The following POLE variants were observed in gnomAD, a reference collection of about 807,000 sequenced individuals.
POLE encodes the protein DNA polymerase epsilon, catalytic subunit, also known as DNA polymerase epsilon catalytic subunit A.
POLE carries 188 observed loss-of-function variants against 279.2 expected under a neutral mutation model. The ratio of observed to expected loss-of-function variants is 0.67; its 90% confidence interval spans 0.60 to 0.76. POLE has a LOEUF of 0.76. POLE is among the 30% of genes least tolerant of loss of function. POLE has a pLI of 0.00. For missense variants in POLE, 2,703 were observed against 3,016.7 expected (o/e 0.90, Z 2.44); for synonymous variants, 1,214 against 1,172.5 (o/e 1.04, Z -0.72).
Position 132,661,293 on chromosome 12 carries a change from G to T in POLE, c.2865-129C>A, listed in dbSNP as rs140280587. On this transcript the variant is annotated intron_variant, in intron 24 of 48. Coordinates refer to ENST00000320574, the MANE Select transcript of POLE (RefSeq NM_006231.4). The surrounding 1 kb of genome is among the most constrained non-coding windows in gnomAD (Gnocchi z 4.1). ...ACCTGTCATCCACGAGGCAGCAAAC[G>T]TCTCTCTCCCTTAGGCCACTGCTTC... is the stretch of plus-strand genomic sequence containing the variant. 3 of 1,003,790 alleles carry T rather than the reference G, an allele frequency of 3.0e-6. No individual in the cohort carries two copies. Among genetic ancestry groups the T allele is most frequent in the East Asian group, 2.4e-5 (1 of 41,748 alleles). 62.2% of individuals were successfully genotyped at this position (1,003,790 alleles called of 1,614,324 possible). A position where few individuals can be genotyped will look rare whatever the true frequency, so the allele number is the denominator to read the frequency against.
intron 16 of POLE, 139 bp downstream of exon 16, chr12:132,672,076 C>A (rs2042939719): frequency 4.6e-6 from 3 of 658,724 alleles, no homozygotes; most frequent in Admixed American, 4.4e-5. Flanking sequence ...CCATGACTGC[C>A]CTGTCCCACC....
Position 132,643,985 on chromosome 12 carries a change from G to T in POLE, c.4150-8C>A, listed in dbSNP as rs760355462. 15 of 1,610,906 alleles carry T rather than the reference G, an allele frequency of 9.3e-6. No individual in the cohort carries two copies. The East Asian group carries it at 3.3e-4, about 36-fold the overall frequency. On this transcript the variant is annotated splice_region_variant and splice_polypyrimidine_tract_variant and intron_variant, in intron 32 of 48. Transcript: ENST00000320574. Reference sequence around the variant, plus strand: ...AGGAAGGACCCGATTTACCTGGCGAGAATACGACGATGATCTCGTCACTGG... The same window carrying T: ...AGGAAGGACCCGATTTACCTGGCGATAATACGACGATGATCTCGTCACTGG...
rs1464188978 is a variant in POLE, at chr12:132,624,913, G to T, written c.6739C>A (p.His2247Asn). 6.2e-7 allele frequency: 1 copy of T among 1,613,664 alleles called. No homozygotes were observed. The highest frequency in any genetic ancestry group is 8.5e-7 in the Non-Finnish European group (1 of 1,179,670). ...SCAGDFALTI[H>N]TQVFMEQIGI... The stretch of plus-strand genomic sequence containing the variant: ...GATGAGGGAGAGCCCACCTGGGTGT[G>T]GATGGTGAGGGCGAAGTCTCCCGCG... The change falls in exon 48 of 49, where the codon CAC (histidine) becomes AAC (asparagine). Residue 2247 changes from histidine to asparagine, a missense_variant. Coordinates refer to ENST00000320574, the MANE Select transcript of POLE (RefSeq NM_006231.4).
chr12:132,635,752 C>T (rs2042018805), intron 42 of POLE, 140 bp downstream of exon 42: 4 of 795,246 alleles, frequency 5.0e-6, no homozygotes, highest in African/African-American at 1.7e-5. Context: ...GGTCCCTCCC[C>T]GTGTTCATGA....
rs1444734745 is a variant in POLE, at chr12:132,676,527, C to A, written c.909+19G>T. Reference sequence around the variant, plus strand: ...GGTCCCCATCCCAGGAGCTTACTTCCCAGAAGCCACCTGCTCACCTGGCCA... The same window carrying A: ...GGTCCCCATCCCAGGAGCTTACTTCACAGAAGCCACCTGCTCACCTGGCCA... On this transcript the variant is annotated intron_variant, in intron 9 of 48. Transcript: ENST00000320574. 1 of 1,550,342 alleles carries A rather than the reference C, an allele frequency of 6.5e-7. No homozygotes were observed. Among genetic ancestry groups the A allele is most frequent in the Non-Finnish European group, 8.9e-7 (1 of 1,121,886 alleles).
At chr12:132,677,551 G>A (rs768904642) in intron 7 of POLE, 27 bp downstream of exon 7, 1 of 1,613,740 alleles carries the variant, frequency 6.2e-7, no homozygotes, top group Non-Finnish European at 8.5e-7. Context: ...ATTCATGTGA[G>A]CAGCGACCCA....
chr12:132,678,081 G>A (rs1041122639), intron 6 of POLE, among the ~76,000 whole-genome samples: 10 of 152,180 alleles, frequency 6.6e-5, no homozygotes, highest in African/African-American at 2.4e-4. Flanking sequence ...GGGAGGCTGA[G>A]GCAGGAGAAT....
rs5745018 is a variant in POLE at position 132,633,074 on chromosome 12, G to A, written c.6005-279C>T. The A allele has an allele frequency of 0.63, 178,320 of 284,860 alleles. 57,783 individuals carry two copies. The highest frequency in any genetic ancestry group is 0.8 in the East Asian group (12,193 of 15,282). 17.6% of individuals were successfully genotyped at this position (284,860 alleles called of 1,614,324 possible). The stretch of plus-strand genomic sequence containing the variant: ...GCCTCTCACTGGGTAGCGCGTGAAA[G>A]ACAGCTCCCAACACAAGCAAAGGCA... On this transcript the variant is annotated intron_variant, in intron 43 of 48. Coordinates refer to ENST00000320574, the MANE Select transcript of POLE (RefSeq NM_006231.4).
intron 32 of POLE, among the ~76,000 whole-genome samples, chr12:132,645,926 G>C (rs975172316): frequency 6.6e-6 from 1 of 152,206 alleles, no homozygotes; most frequent in African/African-American, 2.4e-5. Flanking sequence ...AAGGAATCTA[G>C]ATGAAATGAT....
At chr12:132,680,280 G>C in intron 3 of POLE, 58 bp from the exon 4 acceptor site, 1 of 1,490,304 alleles carries the variant, frequency 6.7e-7, no homozygotes, top group Non-Finnish European at 9.4e-7. Flanking sequence ...CGAGAGAAAA[G>C]TGAAAACACA....
intron 45 of POLE, among the ~76,000 whole-genome samples, chr12:132,627,976 G>A (rs1180804732): frequency 6.6e-6 from 1 of 152,232 alleles, no homozygotes; most frequent in Non-Finnish European, 1.5e-5. Flanking sequence ...AAATTCTGCT[G>A]CTGCTTTGGC....
intron 47 of POLE, 24 bp from the exon 48 acceptor site, chr12:132,625,018 G>A: frequency 6.3e-7 from 1 of 1,593,616 alleles, no homozygotes; most frequent in Non-Finnish European, 8.6e-7. Context: ...GCCCCGATGG[G>A]CGCCAGCCCT....
chr12:132,631,748 C>T (rs2041937873), intron 45 of POLE, among the ~76,000 whole-genome samples: 1 of 152,216 alleles, frequency 6.6e-6, no homozygotes, highest in South Asian at 2.1e-4. Flanking sequence ...GCCTACTGGT[C>T]TCCGGTGACC....
At chr12:132,679,283 C>T (rs1427477595) in intron 6 of POLE, among the ~76,000 whole-genome samples, 1 of 152,130 alleles carries the variant, frequency 6.6e-6, no homozygotes, top group Non-Finnish European at 1.5e-5. Context: ...TAAACCCACC[C>T]CTCCATTGGA....
At chr12:132,630,290 C>A (rs75562118) in intron 45 of POLE, among the ~76,000 whole-genome samples, 4 of 152,132 alleles carry the variant, frequency 2.6e-5, no homozygotes, top group Non-Finnish European at 4.4e-5. Context: ...TACAGGTAAC[C>A]GCTTCGAAGC....
At chr12:132,632,287 C>T (rs757647582) in intron 45 of POLE, 28 bp downstream of exon 45, 1 of 1,581,176 alleles carries the variant, frequency 6.3e-7, no homozygotes, top group Non-Finnish European at 8.7e-7. Context: ...TTAGTGTCCT[C>T]TCCTCACACG....
intron 39 of POLE, 51 bp downstream of exon 39, chr12:132,641,596 A>C (rs1238425319): frequency 6.6e-7 from 1 of 1,507,994 alleles, no homozygotes; most frequent in African/African-American, 1.4e-5. Flanking sequence ...AATTAAGGGC[A>C]AAGGATAAGA....
In POLE at chr12:132,634,385, C is replaced by T. The variant is rs1391706234; in HGVS notation, c.5812-7G>A. 1.2e-6 allele frequency: 2 copies of T among 1,611,024 alleles called. No homozygotes were observed. Among genetic ancestry groups the T allele is most frequent in the East Asian group, 4.5e-5 (2 of 44,816 alleles). On this transcript the variant is annotated splice_polypyrimidine_tract_variant and splice_region_variant and intron_variant, in intron 42 of 48. Transcript: ENST00000320574. The surrounding 1 kb of genome is among the most constrained non-coding windows in gnomAD (Gnocchi z 4.0). Reference sequence around the variant, plus strand: ...CTGCTTTCTGGGAGTCTTGCTGTAACACATGAGACAACGCGGCTGTGTTTG... The same window carrying T: ...CTGCTTTCTGGGAGTCTTGCTGTAATACATGAGACAACGCGGCTGTGTTTG...
intron 2 of POLE, among the ~76,000 whole-genome samples, 166 bp from the exon 3 acceptor site, chr12:132,680,853 C>G (rs767414497): frequency 4.5e-4 from 69 of 152,336 alleles, no homozygotes; most frequent in Non-Finnish European, 8.5e-4. Flanking sequence ...AAGAACCACA[C>G]TGTAACGGCC....
Sources: allele counts gnomAD v4.1 joint callset (sites outside exome capture counted in the v4.1 genomes callset), GRCh38; gene constraint gnomAD v4.1.1; non-coding constraint Gnocchi (gnomAD v3.1); transcripts MANE v1.5; gene names NCBI Gene and HGNC (gene_info 2026-07-23, HGNC 2026-07-21).